Variants in VAV3 observed in about 807,000 individuals in gnomAD.
VAV3 encodes the protein vav guanine nucleotide exchange factor 3, also known as guanine nucleotide exchange factor VAV3.
A neutral mutation model predicts 131.2 loss-of-function variants in VAV3; 94 were observed. The ratio of observed to expected loss-of-function variants is 0.72; its 90% CI spans 0.61 to 0.85. The LOEUF is 0.85. Ranked by LOEUF, VAV3 falls within the 40% of genes least tolerant of loss-of-function variation. The probability of loss-of-function intolerance (pLI) is 0.00; values close to 1 mark genes in which losing one functional copy is unlikely to be tolerated. For synonymous variants in VAV3, 349 were observed against 342.0 expected, an observed-to-expected ratio of 1.02 and a Z score of -0.22; for missense variants, 939 against 1,002.7, an observed-to-expected ratio of 0.94 and a Z score of 0.86.
At chr1:107,650,170 G>C (rs1447977203) in intron 19 of VAV3, among the ~76,000 whole-genome samples, 4 of 152,070 alleles carry the variant, frequency 2.6e-5, no homozygotes, top group Admixed American at 2.0e-4. Context: ...CAGTGACACT[G>C]CATGAAAGCA....
chr1:107,900,985 C>G (rs538550600), intron 1 of VAV3, among the ~76,000 whole-genome samples: 1 of 152,256 alleles, frequency 6.6e-6, no homozygotes, highest in African/African-American at 2.4e-5. Flanking sequence ...TCAGTAATAA[C>G]TGTGTCACCC....
At chr1:107,959,151 C>A (rs1674963565) in intron 1 of VAV3, among the ~76,000 whole-genome samples, 1 of 152,132 alleles carries the variant, frequency 6.6e-6, no homozygotes, top group African/African-American at 2.4e-5. Flanking sequence ...ATCCTAGCTA[C>A]CTGGGAGGCT....
intron 9 of VAV3, among the ~76,000 whole-genome samples, chr1:107,764,573 G>A (rs192327317): frequency 2.0e-3 from 302 of 152,284 alleles, no homozygotes; most frequent in African/African-American, 7.1e-3. Flanking sequence ...TGGCTGGAGT[G>A]CAATGGTGCA....
At chr1:107,924,679 G>A (rs1190929260) in intron 1 of VAV3, among the ~76,000 whole-genome samples, 1 of 152,124 alleles carries the variant, frequency 6.6e-6, no homozygotes, top group Non-Finnish European at 1.5e-5. Context: ...GCTAAAAACA[G>A]TGCCTTCATA....
chr1:107,714,213 C>T (rs1427095173), intron 15 of VAV3, among the ~76,000 whole-genome samples: 3 of 152,066 alleles, frequency 2.0e-5, no homozygotes, highest in Admixed American at 6.6e-5. Flanking sequence ...GTCCCCAGCA[C>T]GCAAGACAGA....
chr1:107,763,753 C>T (rs1251825837), intron 9 of VAV3, among the ~76,000 whole-genome samples: 4 of 152,100 alleles, frequency 2.6e-5, no homozygotes, highest in Non-Finnish European at 5.9e-5. Context: ...GGCCTGTTAA[C>T]GTGCAAACTG....
intron 19 of VAV3, among the ~76,000 whole-genome samples, chr1:107,658,133 G>A (rs888481445): frequency 6.6e-5 from 10 of 152,148 alleles, no homozygotes; most frequent in South Asian, 6.2e-4. Context: ...TACGTTCAAC[G>A]TGAAACACAC....
intron 15 of VAV3, among the ~76,000 whole-genome samples, chr1:107,729,836 A>G (rs1014490309): frequency 1.3e-5 from 2 of 152,260 alleles, no homozygotes; most frequent in Non-Finnish European, 2.9e-5. Flanking sequence ...TACCATAACA[A>G]ACGATAAAGA....
At chr1:107,636,335 C>A (rs1173918109) in intron 20 of VAV3, among the ~76,000 whole-genome samples, 1 of 152,106 alleles carries the variant, frequency 6.6e-6, no homozygotes, top group African/African-American at 2.4e-5. Context: ...TCTGGGCAAT[C>A]CCTAAATATT....
intron 25 of VAV3, among the ~76,000 whole-genome samples, chr1:107,585,981 C>T (rs1650454402): frequency 6.6e-6 from 1 of 152,158 alleles, no homozygotes; most frequent in South Asian, 2.1e-4. Context: ...TCAGCCTGCT[C>T]TACCATTGAA....
intron 2 of VAV3, among the ~76,000 whole-genome samples, chr1:107,818,356 C>A (rs1483210679): frequency 6.6e-6 from 1 of 151,974 alleles, no homozygotes; most frequent in East Asian, 1.9e-4. Context: ...TGGAAATGCA[C>A]CCAGTGCAGT....
chr1:107,640,099 T>C (rs975169145), intron 20 of VAV3, among the ~76,000 whole-genome samples: 4 of 152,172 alleles, frequency 2.6e-5, no homozygotes, highest in Non-Finnish European at 4.4e-5. Flanking sequence ...ATGATCTATA[T>C]ATTCCCCTCT....
chr1:107,749,673 C>T (rs1055301099), intron 13 of VAV3, 79 bp from the exon 14 acceptor site: 11 of 1,502,138 alleles, frequency 7.3e-6, no homozygotes, highest in Non-Finnish European at 9.8e-6. Context: ...ATAAAGCAAC[C>T]AAATGTTTTT....
chr1:107,932,387 T>C (rs940362653), intron 1 of VAV3, among the ~76,000 whole-genome samples: 19 of 152,078 alleles, frequency 1.2e-4, no homozygotes, highest in African/African-American at 4.6e-4. Flanking sequence ...GACATTAGTT[T>C]GCATGAACAA....
chr1:107,757,294 C>G lies in VAV3; in HGVS notation c.1053G>C (p.Lys351Asn), dbSNP rs779397438. 2 of 1,613,316 alleles carry G rather than the reference C, an allele frequency of 1.2e-6. No individual in the cohort carries two copies. The highest frequency in any genetic ancestry group is 2.2e-5 in the South Asian group (2 of 90,990). ...LVKHTTDPTE[K>N]ANLKLALDAM... The stretch of plus-strand genomic sequence containing the variant: ...CATCAAGAGCCAGTTTCAGATTTGC[C>G]TTCTCAGTCGGATCAGTGGTATGTT... The change falls in exon 11 of 27, where the codon AAG (lysine) becomes AAC (asparagine). Residue 351 changes from lysine (K) to asparagine (N), a missense_variant. Physicochemically the swap from Lys to Asn is moderately conservative, Grantham distance 94 (BLOSUM62 0). Transcript: ENST00000370056.
chr1:107,670,614 A>T (rs2101670366), intron 19 of VAV3, among the ~76,000 whole-genome samples: 1 of 152,258 alleles, frequency 6.6e-6, no homozygotes, highest in Admixed American at 6.5e-5. Context: ...CATTAATATT[A>T]TAAACTTTTC....
At chr1:107,721,899 T>C (rs1313635245) in intron 15 of VAV3, among the ~76,000 whole-genome samples, 2 of 152,190 alleles carry the variant, frequency 1.3e-5, no homozygotes, top group Non-Finnish European at 2.9e-5. Flanking sequence ...AGTCCCCAAA[T>C]ACTTCCCTTA....
At chr1:107,951,692 A>G (rs997993806) in intron 1 of VAV3, among the ~76,000 whole-genome samples, 3 of 152,154 alleles carry the variant, frequency 2.0e-5, no homozygotes, top group African/African-American at 7.2e-5. Flanking sequence ...AAGAAGACAT[A>G]CATGCAGTCA....
At chr1:107,780,035 A>G (rs888462533) in intron 2 of VAV3, among the ~76,000 whole-genome samples, 3 of 152,214 alleles carry the variant, frequency 2.0e-5, no homozygotes, top group Admixed American at 2.0e-4. Context: ...GTCCTGCTAT[A>G]TAGCAAAGCA....
Sources: gnomAD v4.1 joint callset for allele counts (sites outside exome capture counted in the v4.1 genomes callset) on GRCh38, gnomAD v4.1.1 for gene constraint, MANE v1.5 for transcripts, NCBI Gene and HGNC (gene_info 2026-07-23, HGNC 2026-07-21) for gene names.